The following TP63 variants were observed in gnomAD, a reference collection of about 807,000 sequenced individuals.
The protein encoded by TP63 is tumor protein 63.
Under a neutral mutation model 82.8 loss-of-function variants are expected in TP63, and 17 were observed. The observed-to-expected ratio is 0.21, with a 90% CI of 0.14 to 0.31. The LOEUF (loss-of-function observed/expected upper bound fraction) is 0.31, where lower values mean the gene tolerates loss of function less well. TP63 is among the 10% of genes least tolerant of loss of function. The pLI, the probability that TP63 is intolerant of heterozygous loss-of-function variation, is 1.00. For missense variants in TP63, 648 were observed against 895.3 expected, an observed-to-expected ratio of 0.72 and a Z score of 3.52; for synonymous variants, 330 against 321.7, an observed-to-expected ratio of 1.03 and a Z score of -0.28.
chr3:189,723,161 AC>A (rs1719518400), intron 1 of TP63, among the ~76,000 whole-genome samples: 1 of 152,060 alleles, frequency 6.6e-6, no homozygotes, highest in Admixed American at 6.6e-5. Context: ...AAGAGTCAAG[AC>A]CTTTTTTTCC....
rs1465338378 is a variant in TP63 at position 189,648,185 on chromosome 3, G to A, written c.62+16608G>A. On this transcript the variant is annotated intron_variant, in intron 1 of 13. Transcript: ENST00000264731. Reference sequence around the variant, plus strand: ...AGAGGAGGAAAGTCTTTAAATGGTAGTGTGTGTTCGAATGCCATGGCCCCA... The same window carrying A: ...AGAGGAGGAAAGTCTTTAAATGGTAATGTGTGTTCGAATGCCATGGCCCCA... Among the ~76,000 whole-genome samples, 3 of 147,040 alleles carry A rather than the reference G, an allele frequency of 2.0e-5. 1 individual carries two copies. Among genetic ancestry groups the A allele is most frequent in the African/African-American group, 7.7e-5 (3 of 39,196 alleles).
At chr3:189,886,068 G>C (rs1391269287) in intron 10 of TP63, among the ~76,000 whole-genome samples, 7 of 152,188 alleles carry the variant, frequency 4.6e-5, no homozygotes, top group African/African-American at 1.7e-4. Context: ...CATTTGAGTT[G>C]AAGGGAAAAG....
At chr3:189,737,607 CAT>C (rs1720689716) in intron 1 of TP63, 131 bp from the exon 2 acceptor site, 1 of 1,134,956 alleles carries the variant, frequency 8.8e-7, no homozygotes, top group Non-Finnish European at 1.3e-6. Flanking sequence ...CAACTTGTAA[CAT>C]GTGCTACATA....
intron 4 of TP63, among the ~76,000 whole-genome samples, chr3:189,817,189 A>G (rs977401825): frequency 7.9e-5 from 12 of 152,196 alleles, no homozygotes; most frequent in African/African-American, 2.9e-4. Context: ...CTGTTCAGCC[A>G]GTATCATCTG....
chr3:189,766,956 A>T (rs1723001204), intron 3 of TP63, among the ~76,000 whole-genome samples: 1 of 152,196 alleles, frequency 6.6e-6, no homozygotes, highest in African/African-American at 2.4e-5. Flanking sequence ...CTCACCCTGC[A>T]GCCTGGGAGT....
At chr3:189,843,442 C>G (rs529807816) in intron 4 of TP63, among the ~76,000 whole-genome samples, 17 of 152,250 alleles carry the variant, frequency 1.1e-4, no homozygotes, top group South Asian at 4.2e-4. Context: ...AACAGGCGGC[C>G]CTTTGGCTGG....
chr3:189,678,842 C>T (rs1000192623), intron 1 of TP63, among the ~76,000 whole-genome samples: 25 of 151,802 alleles, frequency 1.6e-4, no homozygotes, highest in Admixed American at 1.6e-3. Context: ...AAATGTATTC[C>T]TCAATATTAT....
chr3:189,821,451 T>G (rs1160082538), intron 4 of TP63, among the ~76,000 whole-genome samples: 2 of 152,156 alleles, frequency 1.3e-5, no homozygotes, highest in Admixed American at 1.3e-4. Flanking sequence ...TTTGTCATCT[T>G]TTGTCACTGG....
At chr3:189,747,003 A>G (rs1230064872) in intron 3 of TP63, among the ~76,000 whole-genome samples, 2 of 151,862 alleles carry the variant, frequency 1.3e-5, no homozygotes, top group Non-Finnish European at 2.9e-5. Flanking sequence ...AAAAAAAGAA[A>G]CAAAGGTCAT....
At chr3:189,826,769 G>A (rs1185527705) in intron 4 of TP63, among the ~76,000 whole-genome samples, 2 of 152,158 alleles carry the variant, frequency 1.3e-5, no homozygotes, top group Non-Finnish European at 2.9e-5. Flanking sequence ...TTGTAATTTT[G>A]TATGGTATGC....
At chr3:189,703,560 G>A (rs1477137635) in intron 1 of TP63, among the ~76,000 whole-genome samples, 1 of 152,124 alleles carries the variant, frequency 6.6e-6, no homozygotes, top group Non-Finnish European at 1.5e-5. Flanking sequence ...TGAGTAGGGT[G>A]TGCATAAGAT....
intron 1 of TP63, among the ~76,000 whole-genome samples, chr3:189,656,873 CT>C (rs1416755637): frequency 1.3e-5 from 2 of 151,938 alleles, no homozygotes; most frequent in Non-Finnish European, 2.9e-5. Flanking sequence ...AAATAGACAA[CT>C]TTATTATTAG....
At chr3:189,802,622 G>A (rs1339997759) in intron 3 of TP63, among the ~76,000 whole-genome samples, 1 of 152,150 alleles carries the variant, frequency 6.6e-6, no homozygotes, top group Non-Finnish European at 1.5e-5. Flanking sequence ...GAGGTACACA[G>A]CACACTAGTG....
At chr3:189,852,959 C>A (rs1715836889) in intron 4 of TP63, among the ~76,000 whole-genome samples, 1 of 152,116 alleles carries the variant, frequency 6.6e-6, no homozygotes, top group South Asian at 2.1e-4. Context: ...CTTTTTCTTC[C>A]TTTCTTTCTT....
At chr3:189,882,656 C>G (rs1016655369) in intron 10 of TP63, among the ~76,000 whole-genome samples, 1 of 152,074 alleles carries the variant, frequency 6.6e-6, no homozygotes, top group Admixed American at 6.6e-5. Flanking sequence ...AAGAAGGAAT[C>G]TAGTGGAATT....
At chr3:189,849,167 C>G (rs1198872819) in intron 4 of TP63, among the ~76,000 whole-genome samples, 2 of 152,230 alleles carry the variant, frequency 1.3e-5, no homozygotes, top group African/African-American at 2.4e-5. Flanking sequence ...CACCTCTCCC[C>G]CCATACCACT....
rs945815141 is a variant in TP63, at chr3:189,868,525, G to T, written c.993-55G>T. ...AAGTGGAAGTGGTAGATCTTCAGGGGACTTTCAAAATGCTTTGAATTTAAC... is the reference window on the plus strand; with the variant it reads ...AAGTGGAAGTGGTAGATCTTCAGGGTACTTTCAAAATGCTTTGAATTTAAC... On this transcript the variant is annotated intron_variant, in intron 7 of 13. Transcript: ENST00000264731. The T allele has an allele frequency of 6.2e-6, 10 of 1,606,312 alleles. No individual in the cohort carries two copies. In the Admixed American group the frequency reaches 1.5e-4, roughly 24 times the overall value.
At chr3:189,753,920 A>G (rs1721999644) in intron 3 of TP63, among the ~76,000 whole-genome samples, 1 of 152,172 alleles carries the variant, frequency 6.6e-6, no homozygotes, top group Non-Finnish European at 1.5e-5. Flanking sequence ...AATGGAAGGT[A>G]GAAACATTAC....
rs368661334 is a variant in TP63 at position 189,785,427 on chromosome 3, A to G, written c.325-22845A>G. Among the ~76,000 whole-genome samples, 17 of 152,220 alleles carry G rather than the reference A, an allele frequency of 1.1e-4. No homozygotes were observed. In the South Asian group the frequency reaches 1.2e-3, roughly 11 times the overall value. On this transcript the variant is annotated intron_variant, in intron 3 of 13. Transcript: ENST00000264731. ...CACAATCTTGTTGAGGAGAGCGTTA[A>G]GTATACAACTTTTTGCATTGAAAGA... is the stretch of plus-strand genomic sequence containing the variant.
Sources: allele counts gnomAD v4.1 joint callset (sites outside exome capture counted in the v4.1 genomes callset), GRCh38; gene constraint gnomAD v4.1.1; transcripts MANE v1.5; gene names NCBI Gene and HGNC (gene_info 2026-07-23, HGNC 2026-07-21).